CYP4F11: variants seen among roughly 807,000 people sequenced by gnomAD.
CYP4F11 encodes the protein cytochrome P450 4F11.
In CYP4F11, 79 loss-of-function variants were observed where a neutral mutation model predicts 62.2. The ratio of observed to expected loss-of-function variants is 1.27; its 90% CI spans 1.06 to 1.53. The LOEUF is 1.53. Among genes scored for constraint, CYP4F11 ranks in the 40% most tolerant of loss-of-function variants. The pLI is 0.00. For missense variants in CYP4F11, 777 were observed against 680.5 expected (o/e 1.14, Z -1.58); for synonymous variants, 290 against 263.7 (o/e 1.10, Z -0.97).
At chr19:15,934,539 A>G, upstream of CYP4F11, 2 of 1,093,754 alleles carry the variant, frequency 1.8e-6, no homozygotes, top group East Asian at 5.4e-5. Context: ...TGAGATGGGT[A>G]AACAAGAGCT....
intron 4 of CYP4F11, among the ~76,000 whole-genome samples, chr19:15,925,318 G>A (rs2089660592): frequency 6.6e-6 from 1 of 152,078 alleles, no homozygotes; most frequent in South Asian, 2.1e-4. Flanking sequence ...CTGCAACAGG[G>A]CAAAACCAAC....
At position 15,913,880 on chromosome 19, in the gene CYP4F11, G is replaced by C; in HGVS notation, c.1427C>G (p.Ala476Gly). 6.2e-7 allele frequency: 1 copy of C among 1,613,966 alleles called. No homozygotes were observed. Among genetic ancestry groups the C allele is most frequent in the South Asian group, 1.1e-5 (1 of 91,052 alleles). ...GAGCGCCAGGACCACCTTCATCTCA[G>C]CCATGGCGAACGCCTGCCCGATGCA... Reference protein sequence around the residue: ...RNCIGQAFAMAEMKVVLALTL... With the variant: ...RNCIGQAFAMGEMKVVLALTL... Residue 476 changes from alanine to glycine, a missense_variant, in exon 12 of 12, where the codon GCT becomes GGT. By Grantham distance (60) the Ala-to-Gly change is moderately conservative. Coordinates refer to ENST00000402119, the MANE Select transcript of CYP4F11 (RefSeq NM_021187.4).
chr19:15,913,710 G>C lies in CYP4F11; in HGVS notation c.*22C>G. ...AGTTTTGTTTCTGGGACTCTACAGA[G>C]GTGGGTGGGTGGGTAGGACAGTCAC... On this transcript the variant is annotated 3_prime_UTR_variant, in exon 12 of 12. Coordinates refer to ENST00000402119, the MANE Select transcript of CYP4F11 (RefSeq NM_021187.4). 6.2e-7 allele frequency: 1 copy of C among 1,610,236 alleles called. No individual in the cohort carries two copies. The highest frequency in any genetic ancestry group is 8.5e-7 in the Non-Finnish European group (1 of 1,176,872).
At position 15,934,434 on chromosome 19, in the gene CYP4F11, T is replaced by C. The variant is rs774277637; in HGVS notation, c.-26A>G. On this transcript the variant is annotated 5_prime_UTR_variant, in exon 1 of 12. Transcript: ENST00000402119. ...CCTGCAGGGCAGACGGGATGGAGGG[T>C]GGGATCCTGAGGCCCAGGGAAGGGC... 6.2e-7 allele frequency: 1 copy of C among 1,608,860 alleles called. No homozygotes were observed. The highest frequency in any genetic ancestry group is 1.1e-5 in the South Asian group (1 of 90,738).
rs2089563922 is a variant in CYP4F11, at chr19:15,914,342, A to T, written c.1360T>A (p.Ser454Thr). 6.2e-7 allele frequency: 1 copy of T among 1,613,806 alleles called. No homozygotes were observed. The highest frequency in any genetic ancestry group is 8.5e-7 in the Non-Finnish European group (1 of 1,179,930). ...RFDQENIKER[S>T]PLAFIPFSAG... The stretch of plus-strand genomic sequence containing the variant: ...GAGAAGGGAATAAAAGCCAGAGGTG[A>T]CCTCTCCTTGATGTTCTCTTGGTCG... Residue 454 changes from serine to threonine, a missense_variant, in exon 11 of 12, where the codon TCA (serine) becomes ACA (threonine). By Grantham distance (58) the Ser-to-Thr change is moderately conservative. Transcript: ENST00000402119.
intron 2 of CYP4F11, 40 bp from the exon 3 acceptor site, chr19:15,927,523 T>C: frequency 6.2e-7 from 1 of 1,611,560 alleles, no homozygotes; most frequent in Non-Finnish European, 8.5e-7. Context: ...TGGAGAGGGG[T>C]GAGAGAAGGA....
In CYP4F11 at chr19:15,913,600, C is replaced by G; in HGVS notation, c.*132G>C. 1 of 1,191,812 alleles carries G rather than the reference C, an allele frequency of 8.4e-7. No homozygotes were observed. Among genetic ancestry groups the G allele is most frequent in the Non-Finnish European group, 1.2e-6 (1 of 846,064 alleles). 73.8% of individuals were successfully genotyped at this position (1,191,812 alleles called of 1,614,324 possible). ...TTCAGAGACGTCACCCTGCCTCCAC[C>G]CACTCACCTCCCTTTCTTAGATCCC... On this transcript the variant is annotated 3_prime_UTR_variant, in exon 12 of 12. Coordinates refer to ENST00000402119, the MANE Select transcript of CYP4F11 (RefSeq NM_021187.4).
chr19:15,925,131 GTCAACCTCCTGC>G (rs2089659183), intron 4 of CYP4F11, among the ~76,000 whole-genome samples: 1 of 152,164 alleles, frequency 6.6e-6, no homozygotes, highest in South Asian at 2.1e-4. Flanking sequence ...TGTGCTCTTG[GTCAACCTCCTGC>G]ACTCCCATAG....
chr19:15,915,216 GAAAC>G (rs893623359), intron 8 of CYP4F11, among the ~76,000 whole-genome samples: 4 of 152,110 alleles, frequency 2.6e-5, no homozygotes, highest in African/African-American at 9.7e-5. Flanking sequence ...AAGTGAATAA[GAAAC>G]AAAATACCCA....
intron 3 of CYP4F11, 31 bp from the exon 4 acceptor site, chr19:15,927,370 G>GTA (rs747174476): frequency 2.5e-6 from 4 of 1,613,910 alleles, no homozygotes; most frequent in East Asian, 4.5e-5. Flanking sequence ...AGTGGTCAAG[G>GTA]GCAGCACCCT....
At position 15,929,584 on chromosome 19, in the gene CYP4F11, C is replaced by T; in HGVS notation, c.216G>A (p.Glu72=). 6.2e-7 allele frequency: 1 copy of T among 1,606,230 alleles called. No individual in the cohort carries two copies. Among genetic ancestry groups the T allele is most frequent in the Non-Finnish European group, 8.5e-7 (1 of 1,175,410 alleles). ...CCAGCTGGGTCAATGTCTTCATGCC[C>T]TCTTCCGTGGGAGTGACCTGAAAAC... is the stretch of plus-strand genomic sequence containing the variant. ...GHQGLVTPTE[E]GMKTLTQLVT... The change falls in exon 2 of 12, where the codon GAG becomes GAA. Residue 72 remains glutamate (E), a synonymous_variant. Coordinates refer to ENST00000402119, the MANE Select transcript of CYP4F11 (RefSeq NM_021187.4).
At chr19:15,923,241 CT>C (rs1160578149) in intron 6 of CYP4F11, among the ~76,000 whole-genome samples, 1 of 108,626 alleles carries the variant, frequency 9.2e-6, no homozygotes, top group Non-Finnish European at 1.8e-5. Flanking sequence ...CAAACATCCT[CT>C]CTCTCTCTCT....
Position 15,913,529 on chromosome 19 carries a change from G to A in CYP4F11, c.*203C>T, listed in dbSNP as rs2089554174. On this transcript the variant is annotated 3_prime_UTR_variant, in exon 12 of 12. Coordinates refer to ENST00000402119, the MANE Select transcript of CYP4F11 (RefSeq NM_021187.4). ...TGGGCTCTGGGAGAACCCACTAAGG[G>A]CCTAGATGCCCTGTGCTCAGCCAGA... is the stretch of plus-strand genomic sequence containing the variant. The A allele has an allele frequency of 1.6e-6, 1 of 628,242 alleles. No homozygotes were observed. Among genetic ancestry groups the A allele is most frequent in the Non-Finnish European group, 2.7e-6 (1 of 365,866 alleles). 38.9% of individuals were successfully genotyped at this position (628,242 alleles called of 1,614,324 possible). A position where few individuals can be genotyped will look rare whatever the true frequency, so the allele number is the denominator to read the frequency against.
chr19:15,927,210 A>G lies in CYP4F11; in HGVS notation c.525+2T>C. Reference sequence around the variant, plus strand: ...CTGGGACCCAGAGTTCAAGGGACTCACGTGCATGATGTTCACACTCTTGTT... The same window carrying G: ...CTGGGACCCAGAGTTCAAGGGACTCGCGTGCATGATGTTCACACTCTTGTT... On this transcript the variant is annotated splice_donor_variant, in intron 4 of 11. Coordinates refer to ENST00000402119, the MANE Select transcript of CYP4F11 (RefSeq NM_021187.4). LOFTEE classifies it high-confidence loss of function. The G allele has an allele frequency of 6.2e-7, 1 of 1,613,624 alleles. No homozygotes were observed. The highest frequency in any genetic ancestry group is 8.5e-7 in the Non-Finnish European group (1 of 1,179,654).
At chr19:15,924,127 G>T (rs1275922652) in intron 5 of CYP4F11, 45 bp from the exon 6 acceptor site, 2 of 1,589,228 alleles carry the variant, frequency 1.3e-6, no homozygotes, top group Non-Finnish European at 8.6e-7. Context: ...AGTCCCAGGA[G>T]CACCTCTCAC....
Position 15,923,909 on chromosome 19 carries a change from C to A in CYP4F11, c.821G>T (p.Arg274Leu), listed in dbSNP as rs765712621. 8 of 1,614,088 alleles carry A rather than the reference C, an allele frequency of 5.0e-6. No individual in the cohort carries two copies. The South Asian group carries it at 8.8e-5, about 18-fold the overall frequency. Residue 274 changes from arginine (R) to leucine (L), a missense_variant, in exon 6 of 12, where the codon CGG becomes CTG. Physicochemically the swap from Arg to Leu is moderately radical, Grantham distance 102. Transcript: ENST00000402119. ...HDFTDAVIQE[R>L]RCTLPTQGID... Reference sequence around the variant, plus strand: ...ACCCTGAGTGGGGAGGGTGCAGCGCCGCTCCTGGATGACGGCATCTGTGAA... The same window carrying A: ...ACCCTGAGTGGGGAGGGTGCAGCGCAGCTCCTGGATGACGGCATCTGTGAA...
Position 15,924,044 on chromosome 19 carries a change from C to T in CYP4F11, c.686G>A (p.Ser229Asn). The change falls in exon 6 of 12, where the codon AGT (serine) becomes AAT (asparagine). Residue 229 changes from serine to asparagine, a missense_variant. Transcript: ENST00000402119. Reference sequence around the variant, plus strand: ...CTGGTTTCTCTTTTCTACAAAGGCACTGAGCTCCAAGATGGCGGCAATATA... The same window carrying T: ...CTGGTTTCTCTTTTCTACAAAGGCATTGAGCTCCAAGATGGCGGCAATATA... ...SEYIAAILEL[S>N]AFVEKRNQQI... The T allele has an allele frequency of 6.2e-7, 1 of 1,614,176 alleles. No individual in the cohort carries two copies.
chr19:15,924,144 C>A, intron 5 of CYP4F11, 62 bp from the exon 6 acceptor site: 1 of 1,556,344 alleles, frequency 6.4e-7, no homozygotes, highest in Admixed American at 1.8e-5. Context: ...TCACCAGCAG[C>A]TAGAAGCTAC....
Position 15,914,627 on chromosome 19 carries a change from T to G in CYP4F11, c.1289A>C (p.Asn430Thr). ...CLINIIGIHYNPTVWPDPEVY... is the reference protein window; with the variant it reads ...CLINIIGIHYTPTVWPDPEVY... ...CTCAGGGTCTGGCCACACAGTTGGG[T>G]TGTAATGGATCCCGATAATATTGAT... The change falls in exon 10 of 12, where the codon AAC becomes ACC. Residue 430 changes from asparagine to threonine, a missense_variant. Asn to Thr is a moderately conservative substitution (Grantham distance 65). Transcript: ENST00000402119. 1 of 1,613,898 alleles carries G rather than the reference T, an allele frequency of 6.2e-7. No homozygotes were observed. Among genetic ancestry groups the G allele is most frequent in the Non-Finnish European group, 8.5e-7 (1 of 1,179,954 alleles).
Sources: allele counts gnomAD v4.1 joint callset (sites outside exome capture counted in the v4.1 genomes callset), GRCh38; gene constraint gnomAD v4.1.1; transcripts MANE v1.5; gene names NCBI Gene and HGNC (gene_info 2026-07-23, HGNC 2026-07-21).